CRHR1: variants seen among roughly 807,000 people sequenced by gnomAD.
The protein encoded by CRHR1 is corticotropin-releasing hormone receptor 1.
In CRHR1, 28 loss-of-function variants were observed where a neutral mutation model predicts 56.0. The ratio of observed to expected loss-of-function variants is 0.50; its 90% confidence interval spans 0.37 to 0.69. The LOEUF (loss-of-function observed/expected upper bound fraction) is 0.69. Among genes scored for constraint, CRHR1 ranks in the 30% least tolerant of loss-of-function variants. CRHR1 has a pLI of 0.00. For missense variants in CRHR1, 376 were observed against 548.0 expected (o/e 0.69, Z 3.13); for synonymous variants, 195 against 216.5 (o/e 0.90, Z 0.87).
intron 2 of CRHR1, among the ~76,000 whole-genome samples, chr17:45,808,713 A>T (rs182402906): frequency 1.4e-3 from 209 of 152,332 alleles, no homozygotes; most frequent in African/African-American, 4.2e-3. Flanking sequence ...CAGTGGCACA[A>T]TCATAGTTTA....
rs747916352 is a variant in CRHR1, at chr17:45,784,519, A to G, written c.-26A>G. On this transcript the variant is annotated 5_prime_UTR_variant, in exon 1 of 13. Transcript: ENST00000314537. This position sits in a 1 kb window ranked among gnomAD's most constrained non-coding sequence, Gnocchi z 4.2. ...GGATGTCCGTAGGACCCGGGCATTC[A>G]GGACGGTAGCCGAGCGAGCCCGAGG... 20 of 1,539,634 alleles carry G rather than the reference A, an allele frequency of 1.3e-5. No individual in the cohort carries two copies. The African/African-American group carries it at 2.7e-4, about 21-fold the overall frequency.
intron 1 of CRHR1, among the ~76,000 whole-genome samples, chr17:45,786,340 G>A (rs763297823): frequency 1.5e-4 from 23 of 152,078 alleles, no homozygotes; most frequent in Non-Finnish European, 2.8e-4. Context: ...TGAATGTGGG[G>A]CAGTGAGTGA....
intron 1 of CRHR1, among the ~76,000 whole-genome samples, chr17:45,805,974 T>C (rs983768832): frequency 6.6e-6 from 1 of 152,234 alleles, no homozygotes; most frequent in African/African-American, 2.4e-5. Context: ...CTACAGAGCA[T>C]GCAGGGCTAT....
chr17:45,818,342 A>G (rs1295966626), intron 3 of CRHR1, among the ~76,000 whole-genome samples: 1 of 152,186 alleles, frequency 6.6e-6, no homozygotes, highest in African/African-American at 2.4e-5. Flanking sequence ...TCCCGTTGCA[A>G]AGGGTTACTT....
chr17:45,834,165 G>C, intron 12 of CRHR1, 117 bp downstream of exon 12: 1 of 1,256,340 alleles, frequency 8.0e-7, no homozygotes, highest in Admixed American at 1.8e-5. Flanking sequence ...CCTGCTCCTA[G>C]GTCCCTAGGG....
chr17:45,798,528 G>GAAAAAA (rs77104565), intron 1 of CRHR1, among the ~76,000 whole-genome samples: 15,222 of 112,322 alleles, frequency 0.14, 1,257 homozygotes, highest in African/African-American at 0.27. Flanking sequence ...TCCGTCTCGG[G>GAAAAAA]AAAAAAAAAA....
At chr17:45,818,801 A>G (rs1353237545) in intron 3 of CRHR1, among the ~76,000 whole-genome samples, 1 of 152,126 alleles carries the variant, frequency 6.6e-6, no homozygotes, top group Non-Finnish European at 1.5e-5. Context: ...CCTTCTCCCT[A>G]ATGCCCTCCC....
rs577298856 is a variant in CRHR1 at position 45,822,061 on chromosome 17, G to A, written c.327+621G>A. On this transcript the variant is annotated intron_variant, in intron 4 of 12. Transcript: ENST00000314537. Reference sequence around the variant, plus strand: ...AAGTGTCCTTCCAGAGACATTCTCCGCATACACGAGTAATTTTGTATACGT... The same window carrying A: ...AAGTGTCCTTCCAGAGACATTCTCCACATACACGAGTAATTTTGTATACGT... Among the ~76,000 whole-genome samples the A allele has an allele frequency of 3.3e-5, 5 of 151,066 alleles. No homozygotes were observed. The East Asian group carries it at 5.9e-4, about 18-fold the overall frequency.
chr17:45,812,074 A>G (rs2061834846), intron 2 of CRHR1, among the ~76,000 whole-genome samples: 2 of 152,232 alleles, frequency 1.3e-5, no homozygotes, highest in Admixed American at 1.3e-4. Flanking sequence ...AAAATGGAGT[A>G]GTATTTGCAT....
At chr17:45,790,111 A>G (rs1011579870) in intron 1 of CRHR1, among the ~76,000 whole-genome samples, 4 of 152,210 alleles carry the variant, frequency 2.6e-5, no homozygotes, top group Admixed American at 6.5e-5. Context: ...CACTTTTCAC[A>G]GTCCCTGGGG....
intron 1 of CRHR1, among the ~76,000 whole-genome samples, chr17:45,806,113 G>A (rs1357736963): frequency 6.6e-6 from 1 of 152,186 alleles, no homozygotes; most frequent in African/African-American, 2.4e-5. Flanking sequence ...ACAGCGTAAC[G>A]GGGGGCTAGA....
chr17:45,823,375 A>T (rs2062086226), intron 4 of CRHR1, among the ~76,000 whole-genome samples: 1 of 150,262 alleles, frequency 6.7e-6, no homozygotes, highest in South Asian at 2.1e-4. Context: ...AATGATTCAC[A>T]CAAGGTCACG....
intron 8 of CRHR1, among the ~76,000 whole-genome samples, chr17:45,832,492 T>C (rs560844695): frequency 6.6e-6 from 1 of 152,124 alleles, no homozygotes; most frequent in Non-Finnish European, 1.5e-5. Flanking sequence ...CATTTACAAA[T>C]CTCAATTTCT....
chr17:45,833,069 C>G lies in CRHR1; in HGVS notation c.771-69C>G, dbSNP rs901757863. ...GCCCCAGTCCTGTCCTGGCCAAGCACTGTCCCTCCCCATGCCATCGAGGTG... is the reference window on the plus strand; with the variant it reads ...GCCCCAGTCCTGTCCTGGCCAAGCAGTGTCCCTCCCCATGCCATCGAGGTG... On this transcript the variant is annotated intron_variant, in intron 8 of 12. Transcript: ENST00000314537. 10 of 1,391,278 alleles carry G rather than the reference C, an allele frequency of 7.2e-6. No individual in the cohort carries two copies. In the African/African-American group the frequency reaches 1.4e-4, roughly 20 times the overall value. 86.2% of individuals were successfully genotyped at this position (1,391,278 alleles called of 1,614,324 possible).
Position 45,829,314 on chromosome 17 carries a change from C to A in CRHR1, c.427C>A (p.Arg143=), listed in dbSNP as rs779739917. The part of the protein sequence containing the change: ...ALLVAFVLFL[R]LRSIRCLRNI... ...CCTGGTGGCCTTTGTCCTCTTTCTGCGGCTCAGGTGAGAAGACCCCAGCAC... is the reference window on the plus strand; with the variant it reads ...CCTGGTGGCCTTTGTCCTCTTTCTGAGGCTCAGGTGAGAAGACCCCAGCAC... Residue 143 remains arginine, a synonymous_variant, in exon 5 of 13, where the codon CGG becomes AGG. Transcript: ENST00000314537. 3.1e-6 allele frequency: 5 copies of A among 1,613,050 alleles called. No homozygotes were observed. Among genetic ancestry groups the A allele is most frequent in the Admixed American group, 3.3e-5 (2 of 59,920 alleles).
At chr17:45,814,274 G>T (rs562749005) in intron 2 of CRHR1, among the ~76,000 whole-genome samples, 8 of 152,326 alleles carry the variant, frequency 5.3e-5, no homozygotes, top group Middle Eastern at 3.4e-3. Flanking sequence ...CATTAAATGA[G>T]ATGGCATATG....
chr17:45,829,242 G>T lies in CRHR1; in HGVS notation c.355G>T (p.Ala119Ser). Residue 119 changes from alanine to serine, a missense_variant, in exon 5 of 13, where the codon GCA becomes TCA. Physicochemically the swap from Ala to Ser is moderately conservative, Grantham distance 99. This residue lies in a region of CRHR1 where 369 missense variants were observed against 519.5 expected (regional missense o/e 0.71). Transcript: ENST00000314537. The part of the protein sequence containing the change: ...EKKSKVHYHV[A>S]VIINYLGHCI... ...AAAAAGCAAGGTGCACTACCATGTCGCAGTCATCATCAACTACCTGGGCCA... is the reference window on the plus strand; with the variant it reads ...AAAAAGCAAGGTGCACTACCATGTCTCAGTCATCATCAACTACCTGGGCCA... 2 of 1,614,018 alleles carry T rather than the reference G, an allele frequency of 1.2e-6. No homozygotes were observed. The highest frequency in any genetic ancestry group is 1.7e-6 in the Non-Finnish European group (2 of 1,180,010).
In CRHR1 at chr17:45,834,816, G is replaced by T; in HGVS notation, c.*52G>T. 1 of 1,608,732 alleles carries T rather than the reference G, an allele frequency of 6.2e-7. No individual in the cohort carries two copies. The highest frequency in any genetic ancestry group is 8.5e-7 in the Non-Finnish European group (1 of 1,177,728). On this transcript the variant is annotated 3_prime_UTR_variant, in exon 13 of 13. Coordinates refer to ENST00000314537, the MANE Select transcript of CRHR1 (RefSeq NM_004382.5). ...AAGAGCTGTGGCTGGGGGGATGACG[G>T]CCAGGCTCCCTGACCACCCTGCCTG...
intron 4 of CRHR1, among the ~76,000 whole-genome samples, chr17:45,824,923 AC>A (rs1225443707): frequency 2.7e-5 from 4 of 147,582 alleles, no homozygotes; most frequent in African/African-American, 1.0e-4. Context: ...GACCCGCCCC[AC>A]CCCCCAGCCC....
Sources: allele counts gnomAD v4.1 joint callset (sites outside exome capture counted in the v4.1 genomes callset), GRCh38; gene constraint gnomAD v4.1.1; regional missense constraint gnomAD v4.1.1; non-coding constraint Gnocchi (gnomAD v3.1); transcripts MANE v1.5; gene names NCBI Gene and HGNC (gene_info 2026-07-23, HGNC 2026-07-21).